ABHD16A: variants seen among roughly 807,000 people sequenced by gnomAD.
The protein encoded by ABHD16A is abhydrolase domain containing 16A, phospholipase.
In ABHD16A, 47 loss-of-function variants were observed where a neutral mutation model predicts 89.8. The ratio of observed to expected loss-of-function variants is 0.52; its 90% confidence interval spans 0.41 to 0.67. The LOEUF (loss-of-function observed/expected upper bound fraction) is 0.67, where lower values mean the gene tolerates loss of function less well. Among genes scored for constraint, ABHD16A ranks in the 30% least tolerant of loss-of-function variants. The pLI is 0.00. For synonymous variants in ABHD16A, 251 were observed against 280.4 expected, an observed-to-expected ratio of 0.90 and a Z score of 1.05; for missense variants, 580 against 734.6, an observed-to-expected ratio of 0.79 and a Z score of 2.43.
chr6:31,687,465 A>G lies in ABHD16A; in HGVS notation c.1593+33T>C. 6.2e-7 allele frequency: 1 copy of G among 1,613,058 alleles called. No homozygotes were observed. The highest frequency in any genetic ancestry group is 1.1e-5 in the South Asian group (1 of 91,082). ...CCCCTATGTGAGCCCTGGCCATTCA[A>G]GAACCCTTCCCACTTCCCACTCCTT... On this transcript the variant is annotated intron_variant, in intron 19 of 19. Coordinates refer to ENST00000395952, the MANE Select transcript of ABHD16A (RefSeq NM_021160.3). This position sits in a 1 kb window ranked among gnomAD's most constrained non-coding sequence, Gnocchi z 6.3.
chr6:31,692,763 C>T lies in ABHD16A; in HGVS notation c.626+264G>A, dbSNP rs1583686815. 4 of 320,072 alleles carry T rather than the reference C, an allele frequency of 1.2e-5. No individual in the cohort carries two copies. In the South Asian group the frequency reaches 1.5e-4, roughly 12 times the overall value. The allele number at this position is 320,072 out of a possible 1,614,324, so 19.8% of individuals were successfully genotyped here. On this transcript the variant is annotated intron_variant, in intron 7 of 19. Coordinates refer to ENST00000395952, the MANE Select transcript of ABHD16A (RefSeq NM_021160.3). ...CCTCCCCACCCCCACCCCACCCCCA[C>T]TGCTCCTTTTCAGCCTCACTGAAGG... is the stretch of plus-strand genomic sequence containing the variant.
rs1232351145 is a variant in ABHD16A, at chr6:31,698,894, T to C, written c.344-1861A>G. On this transcript the variant is annotated intron_variant, in intron 4 of 19. Coordinates refer to ENST00000395952, the MANE Select transcript of ABHD16A (RefSeq NM_021160.3). This position sits in a 1 kb window ranked among gnomAD's most constrained non-coding sequence, Gnocchi z 4.1. Reference sequence around the variant, plus strand: ...ATCGCCCATCACCTGGTTGTCATCTTATGTACCCACTAGGGGTAGGTGATC... The same window carrying C: ...ATCGCCCATCACCTGGTTGTCATCTCATGTACCCACTAGGGGTAGGTGATC... 6.6e-6 allele frequency among the ~76,000 whole-genome samples: 1 copy of C among 152,164 alleles called. No individual in the cohort carries two copies. Among genetic ancestry groups the C allele is most frequent in the East Asian group, 1.9e-4 (1 of 5,190 alleles).
At chr6:31,689,457 A>G (rs1803639975) in intron 12 of ABHD16A, 124 bp downstream of exon 12, 2 of 1,326,616 alleles carry the variant, frequency 1.5e-6, no homozygotes, top group South Asian at 1.6e-5. Context: ...AGGCCCACTC[A>G]GAGATTCTAC....
intron 5 of ABHD16A, among the ~76,000 whole-genome samples, chr6:31,696,521 T>C (rs2151244785): frequency 1.3e-5 from 2 of 151,284 alleles, no homozygotes; most frequent in Non-Finnish European, 2.9e-5. Flanking sequence ...TAATCCTAGC[T>C]ACTCAGGAAG....
chr6:31,691,302 G>A lies in ABHD16A; in HGVS notation c.843+277C>T, dbSNP rs575358316. On this transcript the variant is annotated intron_variant, in intron 9 of 19. Coordinates refer to ENST00000395952, the MANE Select transcript of ABHD16A (RefSeq NM_021160.3). ...ATTCTTTTGAGAATTAAATATATAT[G>A]CTTCATATATATATGAGAATTAAAT... 61 of 401,744 alleles carry A rather than the reference G, an allele frequency of 1.5e-4. 1 individual carries two copies. The South Asian group carries it at 3.0e-3, about 20-fold the overall frequency. 24.9% of individuals were successfully genotyped at this position (401,744 alleles called of 1,614,324 possible). A position where few individuals can be genotyped will look rare whatever the true frequency, so the allele number is the denominator to read the frequency against.
chr6:31,700,316 G>C (rs928173886), intron 4 of ABHD16A, among the ~76,000 whole-genome samples: 8 of 151,884 alleles, frequency 5.3e-5, no homozygotes, highest in African/African-American at 1.9e-4. Context: ...GGTAGAGACG[G>C]GGTTTTACCA....
chr6:31,695,260 C>G (rs1159170089), intron 5 of ABHD16A, among the ~76,000 whole-genome samples: 1 of 152,184 alleles, frequency 6.6e-6, no homozygotes, highest in Non-Finnish European at 1.5e-5. Context: ...AGACACTGAG[C>G]CCTAGCTTTT....
chr6:31,695,068 T>C (rs1583697203), intron 5 of ABHD16A, among the ~76,000 whole-genome samples: 2 of 152,194 alleles, frequency 1.3e-5, no homozygotes, highest in African/African-American at 4.8e-5. Flanking sequence ...CTTCAGCCAG[T>C]AGCATAGTAC....
Position 31,701,291 on chromosome 6 carries a change from A to C in ABHD16A, c.239T>G (p.Phe80Cys), listed in dbSNP as rs765450420. The C allele has an allele frequency of 1.6e-5, 26 of 1,613,412 alleles. No individual in the cohort carries two copies. The highest frequency in any genetic ancestry group is 1.6e-4 in the Middle Eastern group (1 of 6,084). ...ISYYSSPFAFFYLYRKGYLSL... is the reference protein window; with the variant it reads ...ISYYSSPFAFCYLYRKGYLSL... ...ACACTGACCTTTCCTGTACAAGTAG[A>C]AGAAGGCGAAGGGAGAGGAGTAATA... is the stretch of plus-strand genomic sequence containing the variant. Residue 80 changes from phenylalanine to cysteine, a missense_variant, in exon 3 of 20, where the codon TTC (phenylalanine) becomes TGC (cysteine). Transcript: ENST00000395952.
chr6:31,688,848 T>G lies in ABHD16A; in HGVS notation c.1187-62A>C. The G allele has an allele frequency of 6.4e-7, 1 of 1,553,022 alleles. No homozygotes were observed. Among genetic ancestry groups the G allele is most frequent in the Non-Finnish European group, 8.8e-7 (1 of 1,134,426 alleles). On this transcript the variant is annotated intron_variant, in intron 13 of 19. Transcript: ENST00000395952. This position sits in a 1 kb window ranked among gnomAD's most constrained non-coding sequence, Gnocchi z 4.9. ...AAGCCCTTGCCCAACATAAAGGTCC[T>G]CACTATTCACGGAGAAAGAAAACTG... is the stretch of plus-strand genomic sequence containing the variant.
intron 12 of ABHD16A, 38 bp downstream of exon 12, chr6:31,689,543 A>G: frequency 6.5e-7 from 1 of 1,531,140 alleles, no homozygotes; most frequent in South Asian, 1.2e-5. Context: ...GGTGGTCATG[A>G]ATGTGTCTAC....
intron 12 of ABHD16A, 48 bp downstream of exon 12, chr6:31,689,533 G>A: frequency 1.3e-6 from 2 of 1,507,796 alleles, no homozygotes; most frequent in South Asian, 1.3e-5. Context: ...GGTGGGGCTG[G>A]GTGGTCATGA....
intron 4 of ABHD16A, among the ~76,000 whole-genome samples, chr6:31,699,065 C>T (rs1041824052): frequency 6.6e-6 from 1 of 152,238 alleles, no homozygotes; most frequent in African/African-American, 2.4e-5. Flanking sequence ...GGCTCTCCCC[C>T]ACTCTGTTCT....
intron 9 of ABHD16A, among the ~76,000 whole-genome samples, chr6:31,691,163 G>A (rs1430350234): frequency 6.6e-6 from 1 of 152,134 alleles, no homozygotes; most frequent in African/African-American, 2.4e-5. Context: ...AGGCCAGGCT[G>A]CCTGGGTCCA....
intron 4 of ABHD16A, 40 bp downstream of exon 4, chr6:31,700,902 G>A: frequency 1.3e-6 from 2 of 1,537,334 alleles, no homozygotes; most frequent in East Asian, 2.2e-5. Flanking sequence ...ACCAGTGACA[G>A]TGACAGATAA....
chr6:31,689,660 C>T lies in ABHD16A; in HGVS notation c.1002G>A (p.Val334=), dbSNP rs775493260. The change falls in exon 12 of 20, where the codon GTG becomes GTA. Residue 334 remains valine (V), a synonymous_variant. Transcript: ENST00000395952. ...CTAGGCGGTGGATGGCAAACTGGAC[C>T]ACCACATCCATGGCATTAGCCTCAT... The part of the protein sequence containing the change: ...PQNEANAMDV[V]VQFAIHRLGF... 6.2e-7 allele frequency: 1 copy of T among 1,612,596 alleles called. No individual in the cohort carries two copies. The highest frequency in any genetic ancestry group is 1.7e-5 in the Admixed American group (1 of 59,966).
chr6:31,702,733 G>A (rs2151261807), intron 1 of ABHD16A: 4 of 1,541,372 alleles, frequency 2.6e-6, no homozygotes, highest in Non-Finnish European at 3.5e-6. Context: ...CAAGGCGAGG[G>A]TAAAGGGAAG....
At chr6:31,689,180 C>A in intron 12 of ABHD16A, 61 bp from the exon 13 acceptor site, 1 of 1,467,478 alleles carries the variant, frequency 6.8e-7, no homozygotes, top group Non-Finnish European at 9.4e-7. Context: ...CCCCACCACC[C>A]ATGCTCTCAT....
Position 31,687,381 on chromosome 6 carries a change from C to T in ABHD16A, c.1594-86G>A, listed in dbSNP as rs1803397569. On this transcript the variant is annotated intron_variant, in intron 19 of 19. Transcript: ENST00000395952. The surrounding 1 kb of genome is among the most constrained non-coding windows in gnomAD (Gnocchi z 6.3). ...ACTCCCTCCCCACCCTCCACTTCCG[C>T]ATCCACCACCCACTCTACAAAAGCT... The T allele has an allele frequency of 1.9e-6, 3 of 1,597,874 alleles. No homozygotes were observed. Among genetic ancestry groups the T allele is most frequent in the South Asian group, 1.1e-5 (1 of 90,720 alleles).
Sources: allele counts gnomAD v4.1 joint callset (sites outside exome capture counted in the v4.1 genomes callset), GRCh38; gene constraint gnomAD v4.1.1; non-coding constraint Gnocchi (gnomAD v3.1); transcripts MANE v1.5; gene names NCBI Gene and HGNC (gene_info 2026-07-23, HGNC 2026-07-21).